The following GALNT13 variants were observed in gnomAD, a reference collection of about 807,000 sequenced individuals.
GALNT13 encodes the protein UDP-GalNAc:polypeptide N-acetylgalactosaminyltransferase 13.
Under a neutral mutation model 64.2 loss-of-function variants are expected in GALNT13, and 28 were observed. The observed-to-expected ratio is 0.44, with a 90% confidence interval of 0.32 to 0.60. The LOEUF (loss-of-function observed/expected upper bound fraction) is 0.60, where lower values mean the gene tolerates loss of function less well. GALNT13 is among the 20% of genes least tolerant of loss of function. The pLI, the probability that GALNT13 is intolerant of heterozygous loss-of-function variation, is 0.05. For missense variants in GALNT13, 577 were observed against 669.8 expected (o/e 0.86, Z 1.53); for synonymous variants, 214 against 224.6 (o/e 0.95, Z 0.42).
the GALNT13 span, among the ~76,000 whole-genome samples, chr2:153,489,501 A>G: frequency 2.0e-5 from 3 of 152,250 alleles, no homozygotes; most frequent in Non-Finnish European, 4.4e-5. Context: ...CATTTAAAGA[A>G]AAAGAAGACA....
the GALNT13 span, among the ~76,000 whole-genome samples, chr2:153,177,337 A>G: frequency 6.6e-6 from 1 of 152,140 alleles, no homozygotes; most frequent in Admixed American, 6.5e-5. Context: ...TAATTAGAGG[A>G]TATAAAATAG....
At chr2:153,078,858 A>T in the GALNT13 span, among the ~76,000 whole-genome samples, 2 of 152,104 alleles carry the variant, frequency 1.3e-5, no homozygotes, top group African/African-American at 4.8e-5. Flanking sequence ...AGTTGATTAT[A>T]TAATTTCTTA....
At chr2:153,139,693 C>T in the GALNT13 span, among the ~76,000 whole-genome samples, 3 of 151,940 alleles carry the variant, frequency 2.0e-5, no homozygotes, top group African/African-American at 7.2e-5. Flanking sequence ...AGGAGGAGGA[C>T]AGGTCATGCC....
At chr2:153,166,621 ATGTGTGTGTGTGTGTGTGTGTGTG>A in the GALNT13 span, among the ~76,000 whole-genome samples, 2 of 122,748 alleles carry the variant, frequency 1.6e-5, no homozygotes, top group East Asian at 2.3e-4. Context: ...TGCCTACTGC[ATGTGTGTGTGTGTGTGTGTGTGTG>A]TGTGTGTGTG....
At chr2:153,481,151 G>A in the GALNT13 span, among the ~76,000 whole-genome samples, 5 of 152,046 alleles carry the variant, frequency 3.3e-5, no homozygotes, top group Non-Finnish European at 5.9e-5. Context: ...TTTTGTTCAA[G>A]ACAATCTTGG....
intron 3 of GALNT13, among the ~76,000 whole-genome samples, chr2:153,999,570 C>T (rs1057507719): frequency 2.6e-5 from 4 of 151,938 alleles, no homozygotes; most frequent in African/African-American, 7.2e-5. Context: ...TATTGTAACA[C>T]ATGTATGATT....
chr2:153,566,358 T>G, the GALNT13 span, among the ~76,000 whole-genome samples: 35 of 97,778 alleles, frequency 3.6e-4, no homozygotes, highest in Non-Finnish European at 6.9e-4. Flanking sequence ...GTTTTTTTTT[T>G]TTTTTTTTTT....
intron 3 of GALNT13, among the ~76,000 whole-genome samples, chr2:154,072,065 G>T (rs889995610): frequency 2.0e-5 from 3 of 152,144 alleles, no homozygotes; most frequent in Non-Finnish European, 4.4e-5. Context: ...AGCTGTATAT[G>T]AAGTTGCTTC....
chr2:154,195,749 T>A (rs1406536855), intron 4 of GALNT13, among the ~76,000 whole-genome samples: 1 of 152,102 alleles, frequency 6.6e-6, no homozygotes, highest in Non-Finnish European at 1.5e-5. Flanking sequence ...TTAAATGAAC[T>A]ACTCTGTCTC....
chr2:154,028,780 G>A (rs1003227332), intron 3 of GALNT13, among the ~76,000 whole-genome samples: 1 of 151,958 alleles, frequency 6.6e-6, no homozygotes, highest in African/African-American at 2.4e-5. Context: ...TAACTAAACA[G>A]GAGACTTAGA....
the GALNT13 span, among the ~76,000 whole-genome samples, chr2:153,648,780 G>A: frequency 0.23 from 34,878 of 151,960 alleles, 5,006 homozygotes; most frequent in Middle Eastern, 0.47. Context: ...ATTGATTTGC[G>A]TATGTTGAAC....
At chr2:153,899,397 A>G (rs1471240737) in intron 1 of GALNT13, among the ~76,000 whole-genome samples, 1 of 152,198 alleles carries the variant, frequency 6.6e-6, no homozygotes, top group Non-Finnish European at 1.5e-5. Context: ...TTATAATTGT[A>G]TTGAATTATA....
rs115663070 is a variant in GALNT13 at position 154,108,901 on chromosome 2, G to A, written c.143-31436G>A. Among the ~76,000 whole-genome samples, 336 of 152,112 alleles carry A rather than the reference G, an allele frequency of 2.2e-3. 2 individuals are homozygous for A. Among genetic ancestry groups the A allele is most frequent in the African/African-American group, 7.1e-3 (297 of 41,552 alleles). ...TTTATTGAAAGGCAATAGATCATAC[G>A]TGTGTGGGTTCATTTCTGGTGTTTT... is the stretch of plus-strand genomic sequence containing the variant. On this transcript the variant is annotated intron_variant, in intron 3 of 12. Coordinates refer to ENST00000392825, the MANE Select transcript of GALNT13 (RefSeq NM_052917.4).
chr2:153,660,610 A>G, the GALNT13 span, among the ~76,000 whole-genome samples: 39 of 150,678 alleles, frequency 2.6e-4, no homozygotes, highest in African/African-American at 8.5e-4. Context: ...ATATATACAC[A>G]TTATATATAT....
At chr2:153,219,874 T>G in the GALNT13 span, among the ~76,000 whole-genome samples, 3 of 152,240 alleles carry the variant, frequency 2.0e-5, no homozygotes, top group Non-Finnish European at 4.4e-5. Flanking sequence ...ATGTCGTATC[T>G]TCTTTACATA....
chr2:154,157,765 G>A (rs1451035438), intron 4 of GALNT13, among the ~76,000 whole-genome samples: 1 of 152,038 alleles, frequency 6.6e-6, no homozygotes, highest in Non-Finnish European at 1.5e-5. Flanking sequence ...CTATTGCCGA[G>A]GTCACTAATG....
the GALNT13 span, among the ~76,000 whole-genome samples, chr2:153,484,392 A>T: frequency 6.6e-6 from 1 of 152,184 alleles, no homozygotes; most frequent in Admixed American, 6.5e-5. Flanking sequence ...ATTGATCTCG[A>T]ATATTGTTAT....
chr2:154,039,516 G>T lies in GALNT13; in HGVS notation c.142+94877G>T, dbSNP rs1390399338. On this transcript the variant is annotated intron_variant, in intron 3 of 12. Transcript: ENST00000392825. ...AAATTAAATGAATCAGGCACAAAAAGATAAGTACTGCATGTTCTCACTCAA... is the reference window on the plus strand; with the variant it reads ...AAATTAAATGAATCAGGCACAAAAATATAAGTACTGCATGTTCTCACTCAA... Among the ~76,000 whole-genome samples the T allele has an allele frequency of 1.4e-5, 2 of 139,724 alleles. 1 individual carries two copies. The highest frequency in any genetic ancestry group is 3.3e-5 in the Non-Finnish European group (2 of 60,968). The allele number at this position is 139,724 out of a possible 152,430, so 91.7% of individuals were successfully genotyped here. A position where few individuals can be genotyped will look rare whatever the true frequency, so the allele number is the denominator to read the frequency against.
intron 9 of GALNT13, among the ~76,000 whole-genome samples, chr2:154,353,544 C>T (rs1696535198): frequency 1.3e-5 from 2 of 152,148 alleles, no homozygotes; most frequent in South Asian, 4.1e-4. Flanking sequence ...ACATCTGCTA[C>T]TTTGTATTCG....
Sources: allele counts gnomAD v4.1 joint callset (sites outside exome capture counted in the v4.1 genomes callset), GRCh38; gene constraint gnomAD v4.1.1; transcripts MANE v1.5; gene names NCBI Gene and HGNC (gene_info 2026-07-23, HGNC 2026-07-21).